Variants in TSPAN8 observed in about 807,000 individuals in gnomAD.
TSPAN8 encodes the protein tetraspanin-8.
TSPAN8 carries 21 observed loss-of-function variants against 32.8 expected under a neutral mutation model. That is an observed-to-expected ratio of 0.64 (90% confidence interval 0.45 to 0.92). The LOEUF is 0.92. TSPAN8 is among the 40% of genes least tolerant of loss of function. The probability of loss-of-function intolerance (pLI) is 0.00; values close to 1 mark genes in which losing one functional copy is unlikely to be tolerated. For missense variants in TSPAN8, 269 were observed against 281.9 expected (o/e 0.95, Z 0.33); for synonymous variants, 95 against 94.6 (o/e 1.00, Z -0.03).
chr12:71,144,261 G>T, intron 2 of TSPAN8, 48 bp from the exon 3 acceptor site: 1 of 1,559,310 alleles, frequency 6.4e-7, no homozygotes, highest in South Asian at 1.1e-5. Context: ...AGGATCATAT[G>T]AAACTCTATT....
Sources: gnomAD v4.1 joint callset for allele counts on GRCh38, gnomAD v4.1.1 for gene constraint, MANE v1.5 for transcripts, NCBI Gene and HGNC (gene_info 2026-07-23, HGNC 2026-07-21) for gene names.